ANKS1B: variants seen among roughly 807,000 people sequenced by gnomAD.
ANKS1B encodes ankyrin repeat and sterile alpha motif domain containing 1B.
Under a neutral mutation model 148.3 loss-of-function variants are expected in ANKS1B, and 36 were observed. The ratio of observed to expected loss-of-function variants is 0.24; its 90% CI spans 0.19 to 0.32. The LOEUF (loss-of-function observed/expected upper bound fraction) is 0.32, where lower values mean the gene tolerates loss of function less well. ANKS1B is among the 10% of genes least tolerant of loss of function. The probability of loss-of-function intolerance (pLI) is 1.00; values close to 1 mark genes in which losing one functional copy is unlikely to be tolerated. For synonymous variants in ANKS1B, 542 were observed against 560.8 expected, an observed-to-expected ratio of 0.97 and a Z score of 0.47; for missense variants, 1,157 against 1,542.6, an observed-to-expected ratio of 0.75 and a Z score of 4.19.
intron 12 of ANKS1B, among the ~76,000 whole-genome samples, chr12:99,357,742 T>C (rs1011258141): frequency 3.9e-5 from 6 of 152,142 alleles, no homozygotes; most frequent in Non-Finnish European, 8.8e-5. Flanking sequence ...AACCCTCATA[T>C]ATAAATCACA....
intron 17 of ANKS1B, among the ~76,000 whole-genome samples, chr12:98,883,401 G>C (rs1171294806): frequency 6.6e-6 from 1 of 152,190 alleles, no homozygotes; most frequent in Non-Finnish European, 1.5e-5. Context: ...ACTGGTCAGA[G>C]CCCATATGAC....
chr12:98,945,536 G>GGA (rs1231664866), intron 17 of ANKS1B, among the ~76,000 whole-genome samples: 19 of 115,434 alleles, frequency 1.6e-4, no homozygotes, highest in African/African-American at 6.0e-4. Flanking sequence ...AAAAAAAAAG[G>GGA]GAGAGAGAGA....
In ANKS1B at chr12:99,941,350, G is replaced by A. The variant is rs2094913087; in HGVS notation, c.134+42754C>T. Among the ~76,000 whole-genome samples, 6 of 151,862 alleles carry A rather than the reference G, an allele frequency of 4.0e-5. No homozygotes were observed. In the South Asian group the frequency reaches 1.2e-3, roughly 32 times the overall value. ...TTTCAAAAGTATATCTAAAAGTAATGTACATGGCAGACTACAAAAAAGATA... is the reference window on the plus strand; with the variant it reads ...TTTCAAAAGTATATCTAAAAGTAATATACATGGCAGACTACAAAAAAGATA... On this transcript the variant is annotated intron_variant, in intron 1 of 26. Coordinates refer to ENST00000683438, the MANE Select transcript of ANKS1B (RefSeq NM_001352186.2).
chr12:99,371,272 A>G (rs2152470489), intron 12 of ANKS1B, among the ~76,000 whole-genome samples: 1 of 152,148 alleles, frequency 6.6e-6, no homozygotes, highest in Admixed American at 6.6e-5. Context: ...CCAGGGTATT[A>G]TATTTTACTG....
chr12:98,769,654 A>T (rs541007836), intron 25 of ANKS1B, among the ~76,000 whole-genome samples: 4,471 of 152,230 alleles, frequency 0.029, 105 homozygotes, highest in Middle Eastern at 0.096. Flanking sequence ...TATATATATC[A>T]CACACACGTA....
chr12:98,937,970 T>C (rs1318141465), intron 17 of ANKS1B, among the ~76,000 whole-genome samples: 1 of 151,972 alleles, frequency 6.6e-6, no homozygotes, highest in Non-Finnish European at 1.5e-5. Flanking sequence ...TCCCTCACGA[T>C]CACTAGAGCA....
intron 8 of ANKS1B, among the ~76,000 whole-genome samples, chr12:99,668,973 A>C (rs2098523346): frequency 6.6e-6 from 1 of 151,920 alleles, no homozygotes; most frequent in South Asian, 2.1e-4. Context: ...TCATCTCTAG[A>C]TGTTTCCTTT....
chr12:99,317,158 T>C (rs1353462760), intron 12 of ANKS1B, among the ~76,000 whole-genome samples: 1 of 152,228 alleles, frequency 6.6e-6, no homozygotes, highest in Non-Finnish European at 1.5e-5. Flanking sequence ...TGGGCTCTTT[T>C]TTGGTTCCAT....
chr12:98,778,521 C>A (rs1485383193), intron 24 of ANKS1B, among the ~76,000 whole-genome samples: 4 of 152,174 alleles, frequency 2.6e-5, no homozygotes, highest in African/African-American at 9.7e-5. Flanking sequence ...GGGGGAAATC[C>A]CTGGTGAAAA....
intron 9 of ANKS1B, among the ~76,000 whole-genome samples, chr12:99,582,910 A>T (rs1317494658): frequency 1.3e-5 from 2 of 152,158 alleles, no homozygotes; most frequent in African/African-American, 2.4e-5. Context: ...GTTGATGGCT[A>T]TATTTTACAA....
intron 17 of ANKS1B, chr12:98,956,552 ATCCCCCCCG>A (rs1409634798): frequency 2.8e-5 from 3 of 107,402 alleles, no homozygotes; most frequent in African/African-American, 1.0e-4. Context: ...TATCCCCCCC[ATCCCCCCCG>A]TCACTCCTAT....
chr12:98,846,911 C>G (rs193028443), intron 17 of ANKS1B, among the ~76,000 whole-genome samples: 1 of 152,310 alleles, frequency 6.6e-6, no homozygotes, highest in Admixed American at 6.5e-5. Flanking sequence ...AATGAAGTCT[C>G]TTTGTTTTTA....
At chr12:99,048,384 C>A (rs1443176292) in intron 17 of ANKS1B, among the ~76,000 whole-genome samples, 1 of 152,020 alleles carries the variant, frequency 6.6e-6, no homozygotes, top group East Asian at 1.9e-4. Flanking sequence ...TCTCTTCAGG[C>A]CAAAATGCCT....
intron 10 of ANKS1B, among the ~76,000 whole-genome samples, chr12:99,475,169 A>T (rs146244752): frequency 4.5e-4 from 68 of 150,536 alleles, no homozygotes; most frequent in African/African-American, 1.5e-3. Context: ...ACTTGAACCC[A>T]GGAAACAGAG....
chr12:98,820,537 A>T (rs955031306), intron 19 of ANKS1B, among the ~76,000 whole-genome samples: 7 of 152,158 alleles, frequency 4.6e-5, no homozygotes, highest in Non-Finnish European at 1.0e-4. Context: ...GTATTTACAG[A>T]GTGTTTATTT....
chr12:99,155,007 A>G, intron 14 of ANKS1B: 1 of 1,535,414 alleles, frequency 6.5e-7, no homozygotes, highest in Non-Finnish European at 8.7e-7. Context: ...AGAGCAGTCA[A>G]AACAAATGCA....
chr12:99,570,719 G>A (rs972176822), intron 9 of ANKS1B, among the ~76,000 whole-genome samples: 5 of 151,488 alleles, frequency 3.3e-5, no homozygotes, highest in Non-Finnish European at 7.4e-5. Flanking sequence ...TGGGTGACTG[G>A]TATTATACTA....
At chr12:99,643,536 C>T (rs2098330820) in intron 9 of ANKS1B, among the ~76,000 whole-genome samples, 1 of 152,202 alleles carries the variant, frequency 6.6e-6, no homozygotes, top group South Asian at 2.1e-4. Flanking sequence ...TCTCGGGCCT[C>T]AGTCCCATCC....
At chr12:99,480,399 G>T (rs2096392103) in intron 10 of ANKS1B, among the ~76,000 whole-genome samples, 1 of 151,584 alleles carries the variant, frequency 6.6e-6, no homozygotes, top group African/African-American at 2.4e-5. Context: ...GAATTTTTTT[G>T]TTTTAAAAGT....
Sources: allele counts gnomAD v4.1 joint callset (sites outside exome capture counted in the v4.1 genomes callset), GRCh38; gene constraint gnomAD v4.1.1; transcripts MANE v1.5; gene names NCBI Gene and HGNC (gene_info 2026-07-23, HGNC 2026-07-21).